The following ITSN1 variants were observed in gnomAD, a reference collection of about 807,000 sequenced individuals.
The protein encoded by ITSN1 is intersectin 1, also known as intersectin-1.
Under a neutral mutation model 239.8 loss-of-function variants are expected in ITSN1, and 58 were observed. The ratio of observed to expected loss-of-function variants is 0.24; its 90% confidence interval spans 0.20 to 0.30. The LOEUF is 0.30. Among genes scored for constraint, ITSN1 ranks in the 10% least tolerant of loss-of-function variants. The probability of loss-of-function intolerance (pLI) is 1.00; values close to 1 mark genes in which losing one functional copy is unlikely to be tolerated. For missense variants in ITSN1, 1,558 were observed against 2,103.3 expected, an observed-to-expected ratio of 0.74 and a Z score of 5.07; for synonymous variants, 780 against 770.8, an observed-to-expected ratio of 1.01 and a Z score of -0.20.
Position 33,688,843 on chromosome 21 carries a change from G to C in ITSN1, c.-32-29954G>C, listed in dbSNP as rs141928340. Among the ~76,000 whole-genome samples, 836 of 148,640 alleles carry C rather than the reference G, an allele frequency of 5.6e-3. 9 individuals are homozygous for C. Among genetic ancestry groups the C allele is most frequent in the African/African-American group, 0.02 (796 of 40,296 alleles). On this transcript the variant is annotated intron_variant, in intron 1 of 39. Coordinates refer to ENST00000381318, the MANE Select transcript of ITSN1 (RefSeq NM_003024.3). Reference sequence around the variant, plus strand: ...TTTTTTGAGATGGAGTTTCGCTCCTGTCACCCAGGCTGGAGTGCAGTGGTG... The same window carrying C: ...TTTTTTGAGATGGAGTTTCGCTCCTCTCACCCAGGCTGGAGTGCAGTGGTG...
Position 33,750,338 on chromosome 21 carries a change from A to G in ITSN1, c.526+16A>G, listed in dbSNP as rs757654430. On this transcript the variant is annotated intron_variant, in intron 6 of 39. Coordinates refer to ENST00000381318, the MANE Select transcript of ITSN1 (RefSeq NM_003024.3). ...GCTCATCCTGGTATGTGACTTGCTG[A>G]AACCATAGGCTGAGTTTTTACTACT... is the stretch of plus-strand genomic sequence containing the variant. 1.2e-6 allele frequency: 2 copies of G among 1,610,582 alleles called. No homozygotes were observed. The highest frequency in any genetic ancestry group is 1.7e-6 in the Non-Finnish European group (2 of 1,178,358).
chr21:33,828,088 C>G (rs924932295), intron 26 of ITSN1, among the ~76,000 whole-genome samples: 1 of 152,194 alleles, frequency 6.6e-6, no homozygotes, highest in African/African-American at 2.4e-5. Context: ...TCCAGAGGGT[C>G]CAGATATTTC....
At chr21:33,692,979 T>C (rs1191026092) in intron 1 of ITSN1, among the ~76,000 whole-genome samples, 1 of 152,130 alleles carries the variant, frequency 6.6e-6, no homozygotes, top group Non-Finnish European at 1.5e-5. Context: ...GTATTTGTAG[T>C]GGAAATGGGG....
In ITSN1 at chr21:33,883,695, A is replaced by G. The variant is rs773752778; in HGVS notation, c.4676+24A>G. The G allele has an allele frequency of 3.7e-6, 6 of 1,610,110 alleles. 1 individual carries two copies. The highest frequency in any genetic ancestry group is 3.3e-4 in the Middle Eastern group (2 of 6,060). Reference sequence around the variant, plus strand: ...AGGTGAGACCTGCCGCCTCCCCAGCATGGGCCCCAGGGCTCCACGGCTCTA... The same window carrying G: ...AGGTGAGACCTGCCGCCTCCCCAGCGTGGGCCCCAGGGCTCCACGGCTCTA... On this transcript the variant is annotated intron_variant, in intron 36 of 39. Coordinates refer to ENST00000381318, the MANE Select transcript of ITSN1 (RefSeq NM_003024.3).
At chr21:33,684,243 C>G (rs2091123102) in intron 1 of ITSN1, among the ~76,000 whole-genome samples, 1 of 152,174 alleles carries the variant, frequency 6.6e-6, no homozygotes, top group African/African-American at 2.4e-5. Context: ...CCATTAGGGT[C>G]AACTCACAGG....
chr21:33,792,771 G>A (rs1340093412), intron 16 of ITSN1, among the ~76,000 whole-genome samples: 1 of 151,968 alleles, frequency 6.6e-6, no homozygotes, highest in Non-Finnish European at 1.5e-5. Context: ...GCTGCCATAG[G>A]GAACAGTCCA....
At chr21:33,779,399 T>C (rs1000933120) in intron 14 of ITSN1, among the ~76,000 whole-genome samples, 5 of 152,250 alleles carry the variant, frequency 3.3e-5, no homozygotes, top group African/African-American at 1.2e-4. Flanking sequence ...TCAAAATCTT[T>C]TTTAAATTTT....
intron 1 of ITSN1, among the ~76,000 whole-genome samples, chr21:33,644,290 G>A (rs1232611346): frequency 6.6e-6 from 1 of 152,156 alleles, no homozygotes; most frequent in Non-Finnish European, 1.5e-5. Flanking sequence ...TAGTGCAGAT[G>A]GGTTTGTAAA....
chr21:33,713,081 T>C (rs1284432584), intron 1 of ITSN1, among the ~76,000 whole-genome samples: 1 of 152,000 alleles, frequency 6.6e-6, no homozygotes, highest in Non-Finnish European at 1.5e-5. Flanking sequence ...TTTTATCATG[T>C]TGGCCAGGCT....
At chr21:33,708,142 C>A (rs568686698) in intron 1 of ITSN1, among the ~76,000 whole-genome samples, 4 of 152,268 alleles carry the variant, frequency 2.6e-5, no homozygotes, top group African/African-American at 9.6e-5. Context: ...TGTTGAACAT[C>A]TTTTCATGGG....
At chr21:33,674,225 T>C (rs1233316659) in intron 1 of ITSN1, among the ~76,000 whole-genome samples, 1 of 152,236 alleles carries the variant, frequency 6.6e-6, no homozygotes, top group Non-Finnish European at 1.5e-5. Context: ...TTTTTTTCTT[T>C]CAAAAGTTTT....
At chr21:33,870,390 A>G (rs1040199537) in intron 33 of ITSN1, among the ~76,000 whole-genome samples, 2 of 152,210 alleles carry the variant, frequency 1.3e-5, no homozygotes, top group African/African-American at 4.8e-5. Flanking sequence ...AAGGGGGAAA[A>G]AAACTCATTA....
At chr21:33,780,500 T>G (rs775506521) in intron 14 of ITSN1, among the ~76,000 whole-genome samples, 2 of 152,214 alleles carry the variant, frequency 1.3e-5, no homozygotes, top group African/African-American at 2.4e-5. Context: ...GAGAAGATGC[T>G]TCTAAATTCT....
intron 33 of ITSN1, among the ~76,000 whole-genome samples, chr21:33,871,382 A>G (rs569411159): frequency 1.2e-4 from 18 of 151,926 alleles, no homozygotes; most frequent in African/African-American, 3.6e-4. Flanking sequence ...AAGAGCTATG[A>G]TTGAGTCACT....
Position 33,830,659 on chromosome 21 carries a change from A to G in ITSN1, c.3351+914A>G, listed in dbSNP as rs138610042. ...CAGTGCAGTATCTAGACCCTGTGTG[A>G]AAGAAAACCACGCTGTCAAGGACAT... is the stretch of plus-strand genomic sequence containing the variant. On this transcript the variant is annotated intron_variant, in intron 27 of 39. Transcript: ENST00000381318. 3.0e-3 allele frequency among the ~76,000 whole-genome samples: 450 copies of G among 152,314 alleles called. 3 individuals carry two copies. In the Middle Eastern group the frequency reaches 0.068, roughly 23 times the overall value.
chr21:33,867,141 T>C (rs1482088511), intron 32 of ITSN1, 92 bp from the exon 33 acceptor site: 1 of 752,636 alleles, frequency 1.3e-6, no homozygotes. Flanking sequence ...AATGAGATAA[T>C]GGGTGGAGAG....
At chr21:33,875,318 C>T in intron 33 of ITSN1, 36 bp from the exon 34 acceptor site, 1 of 1,612,866 alleles carries the variant, frequency 6.2e-7, no homozygotes, top group Non-Finnish European at 8.5e-7. Context: ...CCCACATTGC[C>T]TAAAAGGAGG....
At chr21:33,710,657 A>G (rs2092388359) in intron 1 of ITSN1, among the ~76,000 whole-genome samples, 2 of 151,620 alleles carry the variant, frequency 1.3e-5, no homozygotes, top group African/African-American at 4.8e-5. Flanking sequence ...AGGTTTTGGT[A>G]TTATAGTTGT....
At chr21:33,884,635 G>A (rs914962778) in intron 36 of ITSN1, among the ~76,000 whole-genome samples, 1 of 152,210 alleles carries the variant, frequency 6.6e-6, no homozygotes, top group Non-Finnish European at 1.5e-5. Flanking sequence ...CGTGTGAAGT[G>A]GTTCCCAATC....
Sources: allele counts gnomAD v4.1 joint callset (sites outside exome capture counted in the v4.1 genomes callset), GRCh38; gene constraint gnomAD v4.1.1; transcripts MANE v1.5; gene names NCBI Gene and HGNC (gene_info 2026-07-23, HGNC 2026-07-21).